Variants in DAAM1 observed in about 807,000 individuals in gnomAD.
DAAM1 encodes the protein dishevelled associated activator of morphogenesis 1.
DAAM1 carries 52 observed loss-of-function variants against 130.0 expected under a neutral mutation model. The observed-to-expected ratio is 0.40, with a 90% CI of 0.32 to 0.50. The LOEUF is 0.50. DAAM1 is among the 20% of genes least tolerant of loss of function. DAAM1 has a pLI of 0.61. For synonymous variants in DAAM1, 452 were observed against 444.5 expected (o/e 1.02, Z -0.21); for missense variants, 1,134 against 1,303.8 (o/e 0.87, Z 2.01).
intron 15 of DAAM1, among the ~76,000 whole-genome samples, chr14:59,334,065 G>A (rs1405984962): frequency 6.6e-6 from 1 of 152,180 alleles, no homozygotes; most frequent in Non-Finnish European, 1.5e-5. Context: ...GCACTTCCTG[G>A]AGAAACATTT....
In DAAM1 at chr14:59,286,451, G is replaced by A. The variant is rs191950710; in HGVS notation, c.184-4766G>A. Among the ~76,000 whole-genome samples, 6 of 152,098 alleles carry A rather than the reference G, an allele frequency of 3.9e-5. No homozygotes were observed. The East Asian group carries it at 1.2e-3, about 29-fold the overall frequency. On this transcript the variant is annotated intron_variant, in intron 2 of 24. Transcript: ENST00000360909. ...TCAGAGCTAAACTGAATGAAATTGA[G>A]ATGTGAAAATTCATACAAAAAGTCA...
In DAAM1 at chr14:59,368,891, A is replaced by G. The variant is rs775922743; in HGVS notation, c.*32A>G. The G allele has an allele frequency of 5.0e-6, 8 of 1,599,586 alleles. No individual in the cohort carries two copies. The South Asian group carries it at 8.9e-5, about 18-fold the overall frequency. ...ATGAATACTTTTTTTTAGAAAGCTC[A>G]TTAGCAGCCCTCTAAAGTGACTAGA... On this transcript the variant is annotated 3_prime_UTR_variant, in exon 25 of 25. Coordinates refer to ENST00000360909, the MANE Select transcript of DAAM1 (RefSeq NM_001270520.2).
intron 16 of DAAM1, among the ~76,000 whole-genome samples, chr14:59,345,859 C>T (rs1411926288): frequency 5.3e-5 from 8 of 152,128 alleles, no homozygotes; most frequent in Admixed American, 5.2e-4. Context: ...GTGTCATACA[C>T]AGAGAGGAAA....
intron 1 of DAAM1, among the ~76,000 whole-genome samples, chr14:59,253,569 T>C (rs1162332285): frequency 1.3e-5 from 2 of 152,252 alleles, no homozygotes; most frequent in Non-Finnish European, 2.9e-5. Context: ...ATTTTGTTTC[T>C]TTATTTTCAG....
At position 59,291,236 on chromosome 14, in the gene DAAM1, A is replaced by G; in HGVS notation, c.203A>G (p.Asp68Gly). 2 of 1,611,072 alleles carry G rather than the reference A, an allele frequency of 1.2e-6. No individual in the cohort carries two copies. Among genetic ancestry groups the G allele is most frequent in the Non-Finnish European group, 1.7e-6 (2 of 1,179,228 alleles). The change falls in exon 3 of 25, where the codon GAC becomes GGC. Residue 68 changes from aspartate (D) to glycine (G), a missense_variant. This residue lies in a region of DAAM1 where 99 missense variants were observed against 86.4 expected (regional missense o/e 1.15). Transcript: ENST00000360909. ...TCTCAGGATGAACTGGACCTCACAGACAAACACAGAGAAGCCATGTTTGCA... is the reference window on the plus strand; with the variant it reads ...TCTCAGGATGAACTGGACCTCACAGGCAAACACAGAGAAGCCATGTTTGCA... ...SELVDELDLT[D>G]KHREAMFALP...
At chr14:59,334,218 G>GA (rs567556702) in intron 15 of DAAM1, among the ~76,000 whole-genome samples, 91 of 152,248 alleles carry the variant, frequency 6.0e-4, no homozygotes, top group Non-Finnish European at 1.1e-3. Flanking sequence ...AATTCTGATA[G>GA]AAAATCCAAA....
At chr14:59,318,626 A>G in intron 4 of DAAM1, among the ~76,000 whole-genome samples, 1 of 152,062 alleles carries the variant, frequency 6.6e-6, no homozygotes, top group East Asian at 1.9e-4. Context: ...TTGAAAAGTC[A>G]CATTTAGAAC....
Position 59,322,875 on chromosome 14 carries a change from A to G in DAAM1, c.441-17A>G, listed in dbSNP as rs891989534. ...ACCCAAAGGCACTTAAGCATGGTGC[A>G]TTTCTCTTCATGACAGGTTTGTAAC... On this transcript the variant is annotated splice_polypyrimidine_tract_variant and intron_variant, in intron 5 of 24. Transcript: ENST00000360909. The G allele has an allele frequency of 1.3e-6, 2 of 1,591,608 alleles. No individual in the cohort carries two copies. The highest frequency in any genetic ancestry group is 1.7e-6 in the Non-Finnish European group (2 of 1,165,534).
chr14:59,204,946 C>T (rs1375038119), intron 1 of DAAM1, among the ~76,000 whole-genome samples: 1 of 152,228 alleles, frequency 6.6e-6, no homozygotes, highest in Non-Finnish European at 1.5e-5. Flanking sequence ...CTTCCTCTGT[C>T]TTCCTAAAAT....
At chr14:59,233,119 A>T (rs1241663986) in intron 1 of DAAM1, among the ~76,000 whole-genome samples, 1 of 152,194 alleles carries the variant, frequency 6.6e-6, no homozygotes, top group African/African-American at 2.4e-5. Context: ...GTGTCTTTAT[A>T]GTAGAATGAT....
intron 1 of DAAM1, among the ~76,000 whole-genome samples, chr14:59,192,151 T>G (rs772773346): frequency 0.044 from 1,889 of 43,178 alleles, 8 homozygotes; most frequent in Non-Finnish European, 0.07. Flanking sequence ...TGTTAAGGGG[T>G]GTGTGTGTGT....
rs754403421 is a variant in DAAM1, at chr14:59,263,583, T to G, written c.106T>G (p.Phe36Val). ...GTATCGGCTGCGAAATGATAGCAAC[T>G]TTGCGCTTCAGACCATGGAACCAGC... ...ITYRLRNDSN[F>V]ALQTMEPALP... The change falls in exon 2 of 25, where the codon TTT becomes GTT. Residue 36 changes from phenylalanine to valine, a missense_variant. By Grantham distance (50) the Phe-to-Val change is conservative (BLOSUM62 -1). Coordinates refer to ENST00000360909, the MANE Select transcript of DAAM1 (RefSeq NM_001270520.2). The G allele has an allele frequency of 6.2e-7, 1 of 1,614,124 alleles. No individual in the cohort carries two copies. Among genetic ancestry groups the G allele is most frequent in the Non-Finnish European group, 8.5e-7 (1 of 1,180,010 alleles).
intron 23 of DAAM1, among the ~76,000 whole-genome samples, chr14:59,365,809 G>A (rs756065476): frequency 6.6e-5 from 10 of 152,076 alleles, no homozygotes; most frequent in Non-Finnish European, 1.0e-4. Context: ...TTGGGCGTAG[G>A]GAAAAATGTA....
chr14:59,284,490 G>A (rs1414193611), intron 2 of DAAM1, among the ~76,000 whole-genome samples: 1 of 152,126 alleles, frequency 6.6e-6, no homozygotes, highest in Non-Finnish European at 1.5e-5. Flanking sequence ...TGGCTAAAAT[G>A]TCAGATGTAG....
intron 1 of DAAM1, among the ~76,000 whole-genome samples, chr14:59,237,047 G>A (rs1225460575): frequency 6.6e-6 from 1 of 152,162 alleles, no homozygotes; most frequent in Non-Finnish European, 1.5e-5. Context: ...AAAACTGTTG[G>A]TGAGGGGGCA....
At chr14:59,227,047 G>A (rs1035709714) in intron 1 of DAAM1, among the ~76,000 whole-genome samples, 2 of 152,146 alleles carry the variant, frequency 1.3e-5, no homozygotes, top group Non-Finnish European at 2.9e-5. Flanking sequence ...GCATACATCT[G>A]TAGAATTTCC....
intron 2 of DAAM1, among the ~76,000 whole-genome samples, chr14:59,273,108 G>A (rs1464455562): frequency 6.6e-6 from 1 of 152,212 alleles, no homozygotes; most frequent in Non-Finnish European, 1.5e-5. Flanking sequence ...TGTCTGCTTA[G>A]AGACAGTAAG....
rs902767299 is a variant in DAAM1 at position 59,326,398 on chromosome 14, G to A, written c.1175-112G>A. 2.7e-6 allele frequency: 3 copies of A among 1,108,684 alleles called. No individual in the cohort carries two copies. The African/African-American group carries it at 4.7e-5, about 17-fold the overall frequency. 68.7% of individuals were successfully genotyped at this position (1,108,684 alleles called of 1,614,324 possible). A position where few individuals can be genotyped will look rare whatever the true frequency, so the allele number is the denominator to read the frequency against. On this transcript the variant is annotated intron_variant, in intron 10 of 24. Coordinates refer to ENST00000360909, the MANE Select transcript of DAAM1 (RefSeq NM_001270520.2). ...AACTTTGGGAAGCATTGGTGCAGAT[G>A]TTATAAACATCTCTGGTTTGGTGGC...
chr14:59,370,473 CTATT>C lies in DAAM1; in HGVS notation c.*1617_*1620del, dbSNP rs2139702341. 6.6e-6 allele frequency: 1 copy of C among 152,128 alleles called. No individual in the cohort carries two copies. Among genetic ancestry groups the C allele is most frequent in the East Asian group, 1.9e-4 (1 of 5,176 alleles). 9.4% of individuals were successfully genotyped at this position (152,128 alleles called of 1,614,324 possible). On this transcript the variant is annotated 3_prime_UTR_variant, in exon 25 of 25. Transcript: ENST00000360909. ...ATGTGTGCACTGTACAGGAATCATA[CTATT>C]TAAAAATAATTTGTATAAACTATAA...
Sources: gnomAD v4.1 joint callset for allele counts (sites outside exome capture counted in the v4.1 genomes callset) on GRCh38, gnomAD v4.1.1 for gene constraint, gnomAD v4.1.1 regional missense constraint, MANE v1.5 for transcripts, NCBI Gene and HGNC (gene_info 2026-07-23, HGNC 2026-07-21) for gene names.